The following PDE1A variants were observed in gnomAD, a reference collection of about 807,000 sequenced individuals.
PDE1A encodes the protein dual specificity calcium/calmodulin-dependent 3',5'-cyclic nucleotide phosphodiesterase 1A.
PDE1A carries 35 observed loss-of-function variants against 61.7 expected under a neutral mutation model. That is an observed-to-expected ratio of 0.57 (90% confidence interval 0.43 to 0.75). PDE1A has a LOEUF of 0.75. Ranked by LOEUF, PDE1A falls within the 30% of genes least tolerant of loss-of-function variation. The pLI, the probability that PDE1A is intolerant of heterozygous loss-of-function variation, is 0.00. For missense variants in PDE1A, 597 were observed against 630.6 expected, an observed-to-expected ratio of 0.95 and a Z score of 0.57; for synonymous variants, 232 against 213.2, an observed-to-expected ratio of 1.09 and a Z score of -0.77.
chr2:182,650,623 T>C, the PDE1A span, among the ~76,000 whole-genome samples: 1 of 152,176 alleles, frequency 6.6e-6, no homozygotes, highest in African/African-American at 2.4e-5. Flanking sequence ...AAAATGACAG[T>C]AGTAGTAATA....
the PDE1A span, among the ~76,000 whole-genome samples, chr2:182,671,621 C>CTTTT: frequency 2.4e-5 from 3 of 124,302 alleles, no homozygotes; most frequent in South Asian, 2.6e-4. Flanking sequence ...CTTTCTTTTT[C>CTTTT]TTTTTTTTTT....
At chr2:182,688,064 A>C in the PDE1A span, among the ~76,000 whole-genome samples, 2 of 152,246 alleles carry the variant, frequency 1.3e-5, no homozygotes, top group African/African-American at 4.8e-5. Context: ...GGTGTACCTG[A>C]AAGTGACAGG....
chr2:182,446,011 A>G (rs921937260), intron 2 of PDE1A, among the ~76,000 whole-genome samples: 4 of 152,134 alleles, frequency 2.6e-5, no homozygotes, highest in South Asian at 2.1e-4. Flanking sequence ...CACTACTTAA[A>G]ATGCTAATAT....
Position 182,499,179 on chromosome 2 carries a change from T to TTTTTTTTG in PDE1A, c.101+23096_101+23097insCAAAAAAA, listed in dbSNP as rs1326305618. 2.8e-4 allele frequency among the ~76,000 whole-genome samples: 35 copies of TTTTTTTTG among 124,816 alleles called. 3 individuals are homozygous for TTTTTTTTG. Among genetic ancestry groups the TTTTTTTTG allele is most frequent in the African/African-American group, 1.2e-3 (34 of 28,836 alleles). The allele number at this position is 124,816 out of a possible 152,430, so 81.9% of individuals were successfully genotyped here. On this transcript the variant is annotated intron_variant, in intron 2 of 14. Coordinates refer to the PDE1A transcript ENST00000410103. The stretch of plus-strand genomic sequence containing the variant: ...TTTTCTTTCTCTTTTTCTTGTTTTT[T>TTTTTTTTG]TTTTTTTTTTTTTTTGAGACGGAGT...
intron 1 of PDE1A, among the ~76,000 whole-genome samples, chr2:182,267,205 G>T (rs925274177): frequency 6.6e-6 from 1 of 152,068 alleles, no homozygotes; most frequent in Non-Finnish European, 1.5e-5. Flanking sequence ...AGGCTCTAAT[G>T]CTTGCACAAT....
At chr2:182,322,342 G>A (rs535219629) in intron 1 of PDE1A, among the ~76,000 whole-genome samples, 2 of 152,206 alleles carry the variant, frequency 1.3e-5, no homozygotes, top group African/African-American at 4.8e-5. Flanking sequence ...TAATCCCCAC[G>A]TGTTGTGGGA....
At chr2:182,641,902 G>A in the PDE1A span, among the ~76,000 whole-genome samples, 1 of 152,130 alleles carries the variant, frequency 6.6e-6, no homozygotes, top group African/African-American at 2.4e-5. Flanking sequence ...GTGCATCCAA[G>A]AAAAGCTATC....
At chr2:182,270,459 C>T (rs184636390) in intron 1 of PDE1A, among the ~76,000 whole-genome samples, 3 of 152,114 alleles carry the variant, frequency 2.0e-5, no homozygotes, top group Non-Finnish European at 4.4e-5. Context: ...ACAATGTTCT[C>T]ATATGGAAAA....
chr2:182,563,261 G>T, the PDE1A span, among the ~76,000 whole-genome samples: 1 of 152,146 alleles, frequency 6.6e-6, no homozygotes, highest in African/African-American at 2.4e-5. Flanking sequence ...TTGTACCTTT[G>T]TTCTCGTTGG....
intron 1 of PDE1A, among the ~76,000 whole-genome samples, chr2:182,283,665 GA>G (rs1418809994): frequency 2.0e-5 from 3 of 151,980 alleles, no homozygotes; most frequent in African/African-American, 7.2e-5. Context: ...GGAAACAAAA[GA>G]TGTATTCACC....
chr2:182,534,642 A>G, the PDE1A span, among the ~76,000 whole-genome samples: 1 of 151,582 alleles, frequency 6.6e-6, no homozygotes, highest in Non-Finnish European at 1.5e-5. Context: ...TAGGGATCAC[A>G]ATATTTATTA....
intron 1 of PDE1A, among the ~76,000 whole-genome samples, chr2:182,392,292 G>A (rs1032382430): frequency 6.6e-6 from 1 of 152,242 alleles, no homozygotes; most frequent in African/African-American, 2.4e-5. Flanking sequence ...CATGTGCAGG[G>A]GAACTACCCT....
At chr2:182,494,581 C>A (rs558482357) in intron 2 of PDE1A, among the ~76,000 whole-genome samples, 1 of 59,546 alleles carries the variant, frequency 1.7e-5, no homozygotes, top group African/African-American at 4.8e-5. Context: ...GTCTCCACCC[C>A]TGGATGAATC....
At chr2:182,552,555 G>A in the PDE1A span, among the ~76,000 whole-genome samples, 1 of 149,016 alleles carries the variant, frequency 6.7e-6, no homozygotes, top group Non-Finnish European at 1.5e-5. Flanking sequence ...GGATTTCCTA[G>A]GCCAACTAAG....
chr2:182,587,217 C>A, the PDE1A span, among the ~76,000 whole-genome samples: 1 of 152,144 alleles, frequency 6.6e-6, no homozygotes, highest in Non-Finnish European at 1.5e-5. Flanking sequence ...AGGAGTTTGA[C>A]TTTATTCTGA....
At chr2:182,285,521 G>T (rs1694096993) in intron 1 of PDE1A, among the ~76,000 whole-genome samples, 1 of 152,114 alleles carries the variant, frequency 6.6e-6, no homozygotes, top group African/African-American at 2.4e-5. Context: ...TTAGCAGAGG[G>T]AGGGAAGGAA....
the PDE1A span, among the ~76,000 whole-genome samples, chr2:182,596,718 G>GATGC: frequency 6.6e-6 from 1 of 150,812 alleles, no homozygotes; most frequent in Non-Finnish European, 1.5e-5. Flanking sequence ...TGGATGGATG[G>GATGC]GAAAAATGCA....
At chr2:182,674,831 G>A in the PDE1A span, among the ~76,000 whole-genome samples, 1 of 151,918 alleles carries the variant, frequency 6.6e-6, no homozygotes, top group Non-Finnish European at 1.5e-5. Context: ...TTATTAATGT[G>A]CATAATAATC....
the PDE1A span, among the ~76,000 whole-genome samples, chr2:182,652,354 C>T: frequency 6.6e-6 from 1 of 152,170 alleles, no homozygotes; most frequent in Non-Finnish European, 1.5e-5. Flanking sequence ...ATTCCTTCTG[C>T]AGTCTAGAAA....
Sources: gnomAD v4.1 joint callset for allele counts (sites outside exome capture counted in the v4.1 genomes callset) on GRCh38, gnomAD v4.1.1 for gene constraint, MANE v1.5 for transcripts, NCBI Gene and HGNC (gene_info 2026-07-23, HGNC 2026-07-21) for gene names.